Variants in DCLK1 observed in about 807,000 individuals in gnomAD.
The protein encoded by DCLK1 is serine/threonine-protein kinase DCLK1.
In DCLK1, 16 loss-of-function variants were observed where a neutral mutation model predicts 86.2. The observed-to-expected ratio is 0.19, with a 90% confidence interval of 0.13 to 0.28. The LOEUF (loss-of-function observed/expected upper bound fraction) is 0.28. Among genes scored for constraint, DCLK1 ranks in the 10% least tolerant of loss-of-function variants. DCLK1 has a pLI of 1.00. For synonymous variants in DCLK1, 369 were observed against 370.5 expected, an observed-to-expected ratio of 1.00 and a Z score of 0.05; for missense variants, 590 against 940.2, an observed-to-expected ratio of 0.63 and a Z score of 4.87.
At chr13:35,804,790 A>C (rs1486837784) in intron 15 of DCLK1, among the ~76,000 whole-genome samples, 1 of 152,178 alleles carries the variant, frequency 6.6e-6, no homozygotes, top group Non-Finnish European at 1.5e-5. Flanking sequence ...AGAAACACAG[A>C]ATTAAAAAAT....
At chr13:36,106,135 A>G (rs1885387559) in intron 3 of DCLK1, among the ~76,000 whole-genome samples, 1 of 152,192 alleles carries the variant, frequency 6.6e-6, no homozygotes, top group East Asian at 1.9e-4. Context: ...GCTAAAATGA[A>G]TCTAAGCCTT....
chr13:36,033,684 G>C (rs1882374490), intron 3 of DCLK1, among the ~76,000 whole-genome samples: 1 of 152,186 alleles, frequency 6.6e-6, no homozygotes, highest in African/African-American at 2.4e-5. Context: ...CCAGAACTTT[G>C]GGAGGCCAAG....
chr13:35,981,847 T>C (rs1286631869), intron 3 of DCLK1, among the ~76,000 whole-genome samples: 2 of 152,166 alleles, frequency 1.3e-5, no homozygotes, highest in African/African-American at 4.8e-5. Context: ...CCATTTTTAA[T>C]TTTTTAAGGA....
At chr13:35,949,009 C>G (rs1005223060) in intron 3 of DCLK1, among the ~76,000 whole-genome samples, 1 of 152,074 alleles carries the variant, frequency 6.6e-6, no homozygotes, top group Non-Finnish European at 1.5e-5. Context: ...CTCAATCAAC[C>G]CCCTATGGCC....
In DCLK1 at chr13:35,940,239, T is replaced by G. The variant is rs1396061603; in HGVS notation, c.823+7119A>C. Reference sequence around the variant, plus strand: ...CTGTCTCAAAAAAAAAAAAAATAAGTTAGTATGAAGGGTCACATCTCCAGC... The same window carrying G: ...CTGTCTCAAAAAAAAAAAAAATAAGGTAGTATGAAGGGTCACATCTCCAGC... On this transcript the variant is annotated intron_variant, in intron 4 of 16. Coordinates refer to ENST00000360631, the MANE Select transcript of DCLK1 (RefSeq NM_001330071.2). Among the ~76,000 whole-genome samples the G allele has an allele frequency of 6.4e-5, 8 of 124,118 alleles. 1 individual carries two copies. The highest frequency in any genetic ancestry group is 1.5e-4 in the Admixed American group (2 of 13,068). 81.4% of individuals were successfully genotyped at this position (124,118 alleles called of 152,430 possible).
At chr13:36,112,457 T>C (rs1885649892) in intron 2 of DCLK1, among the ~76,000 whole-genome samples, 1 of 152,196 alleles carries the variant, frequency 6.6e-6, no homozygotes, top group African/African-American at 2.4e-5. Context: ...TTTCCTCATC[T>C]TAAGGTCGGT....
Position 35,835,946 on chromosome 13 carries a change from C to A in DCLK1, c.1229+87G>T, listed in dbSNP as rs185070095. On this transcript the variant is annotated intron_variant, in intron 8 of 16. Coordinates refer to ENST00000360631, the MANE Select transcript of DCLK1 (RefSeq NM_001330071.2). ...GAGACATTAACTTATTCCATATGTG[C>A]CACAGACTGGAAATAGAGACACAAT... 3.8e-5 allele frequency: 39 copies of A among 1,015,948 alleles called. No homozygotes were observed. In the East Asian group the frequency reaches 8.9e-4, roughly 23 times the overall value. The allele number at this position is 1,015,948 out of a possible 1,614,324, so 62.9% of individuals were successfully genotyped here.
At chr13:35,822,397 T>C (rs528625678) in intron 11 of DCLK1, among the ~76,000 whole-genome samples, 21 of 152,282 alleles carry the variant, frequency 1.4e-4, no homozygotes, top group African/African-American at 4.8e-4. Context: ...CTTTCTAACA[T>C]AAAAGTGCCT....
intron 3 of DCLK1, among the ~76,000 whole-genome samples, chr13:35,989,347 C>CG (rs1880101018): frequency 6.6e-6 from 1 of 152,154 alleles, no homozygotes; most frequent in African/African-American, 2.4e-5. Context: ...TGTCGACTCA[C>CG]TGCAACATCC....
intron 5 of DCLK1, among the ~76,000 whole-genome samples, chr13:35,858,556 G>A (rs899068451): frequency 3.9e-5 from 6 of 152,080 alleles, no homozygotes; most frequent in African/African-American, 1.4e-4. Context: ...GCACCTCAGG[G>A]CATGTCCAGA....
At chr13:35,791,292 C>T (rs577087453) in intron 16 of DCLK1, among the ~76,000 whole-genome samples, 4 of 151,790 alleles carry the variant, frequency 2.6e-5, no homozygotes, top group African/African-American at 9.7e-5. Context: ...AAAAAAACCT[C>T]TGCAGCAGTA....
rs374540467 is a variant in DCLK1 at position 35,987,504 on chromosome 13, G to T, written c.724-40047C>A. Among the ~76,000 whole-genome samples the T allele has an allele frequency of 5.9e-5, 9 of 152,130 alleles. No individual in the cohort carries two copies. In the East Asian group the frequency reaches 1.4e-3, roughly 23 times the overall value. On this transcript the variant is annotated intron_variant, in intron 3 of 16. Coordinates refer to ENST00000360631, the MANE Select transcript of DCLK1 (RefSeq NM_001330071.2). ...TTCATATTTAAAACGACCCTTAGGG[G>T]GTGCTTGAGGGGAGGGATACCCCAT...
intron 3 of DCLK1, among the ~76,000 whole-genome samples, chr13:36,081,068 G>A (rs1884404415): frequency 6.6e-6 from 1 of 152,062 alleles, no homozygotes; most frequent in Non-Finnish European, 1.5e-5. Flanking sequence ...AGACTTCGGT[G>A]TTTGGTAGAA....
intron 3 of DCLK1, among the ~76,000 whole-genome samples, chr13:36,072,119 G>T (rs1253655238): frequency 6.6e-6 from 1 of 151,996 alleles, no homozygotes. Flanking sequence ...CCTCTAATTT[G>T]TTTTCCTAAA....
intron 4 of DCLK1, among the ~76,000 whole-genome samples, chr13:35,883,582 TC>T (rs1362825441): frequency 2.6e-5 from 4 of 152,154 alleles, no homozygotes; most frequent in African/African-American, 9.7e-5. Context: ...CCTCAAGTAT[TC>T]CTTTATAGCA....
At chr13:35,864,198 T>C (rs932361040) in intron 5 of DCLK1, among the ~76,000 whole-genome samples, 1 of 152,198 alleles carries the variant, frequency 6.6e-6, no homozygotes, top group African/African-American at 2.4e-5. Context: ...GAGGCACTCA[T>C]TGGGCCTCAG....
chr13:35,842,854 T>A (rs1171803528), intron 6 of DCLK1, among the ~76,000 whole-genome samples: 1 of 152,198 alleles, frequency 6.6e-6, no homozygotes, highest in Non-Finnish European at 1.5e-5. Context: ...TGTCTACCAG[T>A]TGAAGCCATT....
At position 35,934,606 on chromosome 13, in the gene DCLK1, C is replaced by T. The variant is rs76535612; in HGVS notation, c.823+12752G>A. Among the ~76,000 whole-genome samples the T allele has an allele frequency of 2.6e-3, 397 of 152,242 alleles. 2 individuals carry two copies. The highest frequency in any genetic ancestry group is 8.9e-3 in the African/African-American group (371 of 41,522). On this transcript the variant is annotated intron_variant, in intron 4 of 16. Coordinates refer to ENST00000360631, the MANE Select transcript of DCLK1 (RefSeq NM_001330071.2). ...TGAGAGCAGTATTGGGGAAACTGCA[C>T]CCACGATTCAATTATCTCTCACTGG...
intron 4 of DCLK1, among the ~76,000 whole-genome samples, chr13:35,910,975 C>A (rs9545699): frequency 0.16 from 24,010 of 151,960 alleles, 2,460 homozygotes; most frequent in East Asian, 0.34. Context: ...AATCTTAGAA[C>A]ACAGGTCTAA....
Sources: allele counts gnomAD v4.1 joint callset (sites outside exome capture counted in the v4.1 genomes callset), GRCh38; gene constraint gnomAD v4.1.1; transcripts MANE v1.5; gene names NCBI Gene and HGNC (gene_info 2026-07-23, HGNC 2026-07-21).